The following CNBD1 variants were observed in gnomAD, a reference collection of about 807,000 sequenced individuals.
CNBD1 encodes the protein cyclic nucleotide binding domain containing 1.
Under a neutral mutation model 54.4 loss-of-function variants are expected in CNBD1, and 71 were observed. The observed-to-expected ratio is 1.30, with a 90% confidence interval of 1.08 to 1.59. The LOEUF is 1.59. CNBD1 is among the 40% of genes most tolerant of loss of function. CNBD1 has a pLI of 0.00. For missense variants in CNBD1, 659 were observed against 518.0 expected (o/e 1.27, Z -2.64); for synonymous variants, 182 against 170.7 (o/e 1.07, Z -0.51).
intron 4 of CNBD1, among the ~76,000 whole-genome samples, chr8:87,165,980 G>A (rs931411762): frequency 6.6e-6 from 1 of 151,870 alleles, no homozygotes; most frequent in Non-Finnish European, 1.5e-5. Context: ...TCTAGGCATT[G>A]TGAAATTATA....
intron 4 of CNBD1, among the ~76,000 whole-genome samples, chr8:87,071,235 A>G (rs750707832): frequency 9.9e-5 from 15 of 152,202 alleles, no homozygotes; most frequent in Admixed American, 2.0e-4. Flanking sequence ...ATGAAAATGC[A>G]ATTTTTCACC....
intron 4 of CNBD1, among the ~76,000 whole-genome samples, chr8:87,021,541 T>A (rs1809488787): frequency 6.6e-6 from 1 of 152,212 alleles, no homozygotes; most frequent in Admixed American, 6.5e-5. Context: ...AAGGTTAAAA[T>A]TTGGATTCAT....
intron 4 of CNBD1, among the ~76,000 whole-genome samples, chr8:87,030,663 A>G (rs1045711802): frequency 1.3e-5 from 2 of 152,130 alleles, no homozygotes; most frequent in Non-Finnish European, 1.5e-5. Flanking sequence ...GCACTGTATC[A>G]TTACTGTTCT....
chr8:87,079,998 G>A (rs1175191009), intron 4 of CNBD1, among the ~76,000 whole-genome samples: 1 of 152,100 alleles, frequency 6.6e-6, no homozygotes, highest in Non-Finnish European at 1.5e-5. Flanking sequence ...ACAATGTGAA[G>A]TAAATGTCAG....
chr8:87,102,706 C>T (rs756005328), intron 4 of CNBD1, among the ~76,000 whole-genome samples: 5 of 152,082 alleles, frequency 3.3e-5, no homozygotes, highest in Admixed American at 6.6e-5. Context: ...CTCTGCCTCC[C>T]GGGTTCACGC....
chr8:87,215,477 A>G (rs1814189407), intron 5 of CNBD1, among the ~76,000 whole-genome samples: 1 of 151,526 alleles, frequency 6.6e-6, no homozygotes, highest in South Asian at 2.1e-4. Context: ...AGTCCCAGCT[A>G]CTCCAGAGGC....
At chr8:86,984,995 A>G (rs1808574616) in intron 4 of CNBD1, among the ~76,000 whole-genome samples, 1 of 152,132 alleles carries the variant, frequency 6.6e-6, no homozygotes, top group African/African-American at 2.4e-5. Flanking sequence ...GTCCCCATCC[A>G]AATCTCATCT....
intron 7 of CNBD1, among the ~76,000 whole-genome samples, chr8:87,285,187 C>T (rs1487361838): frequency 6.6e-6 from 1 of 152,106 alleles, no homozygotes; most frequent in Admixed American, 6.6e-5. Context: ...AGTACTGCTG[C>T]TTTCCCAGTC....
At chr8:87,333,692 C>T (rs1362252270) in intron 8 of CNBD1, among the ~76,000 whole-genome samples, 1 of 151,746 alleles carries the variant, frequency 6.6e-6, no homozygotes, top group African/African-American at 2.4e-5. Context: ...GATGTTAAAC[C>T]AGCCTTGCAT....
chr8:87,095,181 C>A (rs958518186), intron 4 of CNBD1, among the ~76,000 whole-genome samples: 6 of 152,324 alleles, frequency 3.9e-5, no homozygotes, highest in African/African-American at 1.4e-4. Context: ...TCTACAGTGT[C>A]ATATTTCTAC....
At chr8:86,870,090 T>C (rs1808419695) in intron 1 of CNBD1, among the ~76,000 whole-genome samples, 1 of 151,648 alleles carries the variant, frequency 6.6e-6, no homozygotes, top group Non-Finnish European at 1.5e-5. Context: ...CAGACATTTC[T>C]AGGTATCTTT....
chr8:87,379,000 A>G (rs566250308), intron 10 of CNBD1, among the ~76,000 whole-genome samples: 2 of 149,248 alleles, frequency 1.3e-5, no homozygotes, highest in African/African-American at 2.5e-5. Flanking sequence ...TTGCACATTG[A>G]TTTTGTAAAC....
chr8:87,234,205 G>T (rs1807525718), intron 5 of CNBD1, among the ~76,000 whole-genome samples: 1 of 152,092 alleles, frequency 6.6e-6, no homozygotes, highest in Non-Finnish European at 1.5e-5. Context: ...AGTCATCCTT[G>T]AGGGTTGGAA....
At chr8:87,080,942 TTG>T (rs2130664983) in intron 4 of CNBD1, among the ~76,000 whole-genome samples, 1 of 152,082 alleles carries the variant, frequency 6.6e-6, no homozygotes, top group Admixed American at 6.5e-5. Context: ...CCCCTTGTCA[TTG>T]TGTCTAAAAG....
intron 4 of CNBD1, among the ~76,000 whole-genome samples, chr8:87,105,059 G>T (rs1043248066): frequency 6.6e-6 from 1 of 151,996 alleles, no homozygotes; most frequent in Non-Finnish European, 1.5e-5. Flanking sequence ...GGATCTAAAC[G>T]GTTTTAATTA....
rs1808699588 is a variant in CNBD1, at chr8:87,286,446, T to C, written c.910-93T>C. ...TATACTAACTTATATTCATATGGCC[T>C]TTATTTTACTTCTCTCACCATTTAT... On this transcript the variant is annotated intron_variant, in intron 7 of 10. Transcript: ENST00000518476. 6.6e-6 allele frequency: 5 copies of C among 752,302 alleles called. No individual in the cohort carries two copies. In the South Asian group the frequency reaches 9.1e-5, roughly 14 times the overall value. 46.6% of individuals were successfully genotyped at this position (752,302 alleles called of 1,614,324 possible). A position where few individuals can be genotyped will look rare whatever the true frequency, so the allele number is the denominator to read the frequency against.
intron 8 of CNBD1, among the ~76,000 whole-genome samples, chr8:87,342,737 G>T (rs191049656): frequency 1.3e-4 from 20 of 152,154 alleles, no homozygotes; most frequent in African/African-American, 4.6e-4. Context: ...AGAAGGGGAG[G>T]GGGCACACGA....
intron 8 of CNBD1, among the ~76,000 whole-genome samples, chr8:87,288,348 A>G (rs1221008207): frequency 6.6e-6 from 1 of 152,030 alleles, no homozygotes; most frequent in African/African-American, 2.4e-5. Context: ...AGAAATATCA[A>G]ATTTTGATCC....
Position 87,389,780 on chromosome 8 carries a change from G to A in CNBD1, c.213+35994G>A, listed in dbSNP as rs185857514. On this transcript the variant is annotated intron_variant, in intron 2 of 7. Coordinates refer to the CNBD1 transcript ENST00000521593. ...TTCATATGGAACCAAAAAGGAGCCCGCATTGCCCAGTCAATCCTAAGCCGA... is the reference window on the plus strand; with the variant it reads ...TTCATATGGAACCAAAAAGGAGCCCACATTGCCCAGTCAATCCTAAGCCGA... 3.1e-3 allele frequency among the ~76,000 whole-genome samples: 477 copies of A among 152,166 alleles called. 5 individuals are homozygous for A. The highest frequency in any genetic ancestry group is 0.01 in the African/African-American group (428 of 41,530).
Sources: gnomAD v4.1 joint callset for allele counts (sites outside exome capture counted in the v4.1 genomes callset) on GRCh38, gnomAD v4.1.1 for gene constraint, MANE v1.5 for transcripts, NCBI Gene and HGNC (gene_info 2026-07-23, HGNC 2026-07-21) for gene names.